Variants in SGCZ observed in about 807,000 individuals in gnomAD.
The protein encoded by SGCZ is sarcoglycan zeta, also known as zeta-sarcoglycan.
A neutral mutation model predicts 41.3 loss-of-function variants in SGCZ; 40 were observed. That is an observed-to-expected ratio of 0.97 (90% confidence interval 0.75 to 1.26). The LOEUF (loss-of-function observed/expected upper bound fraction) is 1.26. Among genes scored for constraint, SGCZ ranks in the 50% most tolerant of loss-of-function variants. The pLI is 0.00. For synonymous variants in SGCZ, 206 were observed against 137.5 expected (o/e 1.50, Z -3.49); for missense variants, 552 against 369.8 (o/e 1.49, Z -4.04).
chr8:14,100,079 A>G (rs973495678), intron 7 of SGCZ, among the ~76,000 whole-genome samples: 1 of 152,092 alleles, frequency 6.6e-6, no homozygotes, highest in Middle Eastern at 3.2e-3. Flanking sequence ...GGTACAGTCA[A>G]TGTAGCAAAA....
chr8:15,008,410 C>G (rs917950774), intron 1 of SGCZ, among the ~76,000 whole-genome samples: 4 of 151,156 alleles, frequency 2.6e-5, no homozygotes, highest in African/African-American at 7.3e-5. Context: ...TAGATATAAC[C>G]ACAATTAGGA....
chr8:14,586,014 T>C (rs1310851459), intron 1 of SGCZ, among the ~76,000 whole-genome samples: 1 of 152,128 alleles, frequency 6.6e-6, no homozygotes, highest in Non-Finnish European at 1.5e-5. Flanking sequence ...GGGGCAATCA[T>C]GTACAGATAA....
At chr8:14,889,863 T>C (rs1206269325) in intron 1 of SGCZ, among the ~76,000 whole-genome samples, 1 of 152,138 alleles carries the variant, frequency 6.6e-6, no homozygotes, top group East Asian at 1.9e-4. Flanking sequence ...TATAATGGCC[T>C]CTAAGTGAAA....
At chr8:14,479,739 T>TTTTTTTTA (rs1801474584) in intron 2 of SGCZ, among the ~76,000 whole-genome samples, 1 of 23,412 alleles carries the variant, frequency 4.3e-5, no homozygotes, top group African/African-American at 1.3e-4. Flanking sequence ...TTCTTTTTTT[T>TTTTTTTTA]TTTTTTTTTT....
intron 3 of SGCZ, among the ~76,000 whole-genome samples, chr8:14,289,584 T>C (rs1171428061): frequency 1.3e-5 from 2 of 152,158 alleles, no homozygotes; most frequent in Non-Finnish European, 2.9e-5. Context: ...CATTGGTCTA[T>C]GTGTCTATTT....
At chr8:14,677,454 A>G (rs1035749138) in intron 1 of SGCZ, among the ~76,000 whole-genome samples, 4 of 152,154 alleles carry the variant, frequency 2.6e-5, no homozygotes, top group Non-Finnish European at 5.9e-5. Context: ...TTGATTCTAC[A>G]TATTGTTATG....
At chr8:14,945,571 A>G (rs1800415966) in intron 1 of SGCZ, among the ~76,000 whole-genome samples, 1 of 152,052 alleles carries the variant, frequency 6.6e-6, no homozygotes, top group Non-Finnish European at 1.5e-5. Flanking sequence ...GAATGGCTAG[A>G]AAGCTAGTAA....
At chr8:14,557,181 T>C (rs1317444596) in intron 1 of SGCZ, among the ~76,000 whole-genome samples, 3 of 152,042 alleles carry the variant, frequency 2.0e-5, no homozygotes. Flanking sequence ...TCCATGATCA[T>C]TTGTGATGTT....
intron 1 of SGCZ, among the ~76,000 whole-genome samples, chr8:14,838,647 C>T (rs1363177482): frequency 2.0e-5 from 3 of 152,192 alleles, no homozygotes; most frequent in East Asian, 3.9e-4. Flanking sequence ...TCCCTGGCTA[C>T]TTTTGCCTTC....
At chr8:14,825,246 T>G (rs550954870) in intron 1 of SGCZ, among the ~76,000 whole-genome samples, 5 of 152,142 alleles carry the variant, frequency 3.3e-5, no homozygotes, top group Non-Finnish European at 4.4e-5. Flanking sequence ...ATCTGTGAAA[T>G]CCTTAGCAAG....
chr8:14,728,331 T>A (rs1166361571), intron 1 of SGCZ, among the ~76,000 whole-genome samples: 7 of 148,394 alleles, frequency 4.7e-5, no homozygotes, highest in African/African-American at 1.2e-4. Flanking sequence ...GCTTTAAGCA[T>A]TCATCTCAAA....
At chr8:14,695,692 C>T (rs1808936573) in intron 1 of SGCZ, among the ~76,000 whole-genome samples, 1 of 150,064 alleles carries the variant, frequency 6.7e-6, no homozygotes, top group African/African-American at 2.4e-5. Flanking sequence ...TAAACATGCA[C>T]ACGCACACAC....
rs115058777 is a variant in SGCZ, at chr8:14,642,923, G to A, written c.40-87997C>T. Among the ~76,000 whole-genome samples the A allele has an allele frequency of 4.1e-3, 617 of 151,566 alleles. 7 individuals carry two copies. The highest frequency in any genetic ancestry group is 0.012 in the African/African-American group (510 of 41,442). The stretch of plus-strand genomic sequence containing the variant: ...ACAGACGGAAATGTAAGCTTAAAAG[G>A]GTAGAGATTTCTGTTTCACACCTCG... On this transcript the variant is annotated intron_variant, in intron 1 of 7. Coordinates refer to ENST00000382080, the MANE Select transcript of SGCZ (RefSeq NM_139167.4).
intron 3 of SGCZ, among the ~76,000 whole-genome samples, chr8:14,254,463 T>C (rs769386767): frequency 5.9e-5 from 9 of 152,312 alleles, no homozygotes; most frequent in South Asian, 2.1e-4. Context: ...ATTAGGGATA[T>C]AGTCAGATGT....
At chr8:15,092,017 G>C (rs897877304) in intron 1 of SGCZ, among the ~76,000 whole-genome samples, 1 of 152,130 alleles carries the variant, frequency 6.6e-6, no homozygotes, top group African/African-American at 2.4e-5. Context: ...GCCTCCCAAA[G>C]TCCTGGAATT....
At chr8:14,985,833 G>A (rs1437430407) in intron 1 of SGCZ, among the ~76,000 whole-genome samples, 1 of 152,166 alleles carries the variant, frequency 6.6e-6, no homozygotes, top group African/African-American at 2.4e-5. Context: ...TAGGATTTTA[G>A]AAACAATAAA....
intron 2 of SGCZ, among the ~76,000 whole-genome samples, chr8:14,412,028 C>A (rs1201637721): frequency 6.6e-6 from 1 of 152,050 alleles, no homozygotes; most frequent in South Asian, 2.1e-4. Flanking sequence ...TCTTTGTTCA[C>A]AACAATATGA....
intron 1 of SGCZ, among the ~76,000 whole-genome samples, chr8:14,786,044 C>T (rs941602674): frequency 7.6e-6 from 1 of 131,198 alleles, no homozygotes; most frequent in Non-Finnish European, 1.5e-5. Context: ...ATTTTTAAGA[C>T]TTTATTGTCC....
chr8:14,437,108 T>A (rs894233299), intron 2 of SGCZ, among the ~76,000 whole-genome samples: 2 of 152,194 alleles, frequency 1.3e-5, no homozygotes, highest in Admixed American at 1.3e-4. Flanking sequence ...TAAAATAGAA[T>A]TTGTCAACAT....
Sources: allele counts gnomAD v4.1 joint callset (sites outside exome capture counted in the v4.1 genomes callset), GRCh38; gene constraint gnomAD v4.1.1; transcripts MANE v1.5; gene names NCBI Gene and HGNC (gene_info 2026-07-23, HGNC 2026-07-21).